KIF4A: variants seen among roughly 807,000 people sequenced by gnomAD.
KIF4A encodes chromosome-associated kinesin KIF4A.
In KIF4A, 7 loss-of-function variants were observed where a neutral mutation model predicts 105.9. That is an observed-to-expected ratio of 0.07 (90% CI 0.04 to 0.12). The LOEUF (loss-of-function observed/expected upper bound fraction) is 0.12. Among genes scored for constraint, KIF4A ranks in the 10% least tolerant of loss-of-function variants. KIF4A has a pLI of 1.00. For missense variants in KIF4A, 558 were observed against 929.2 expected (o/e 0.60, Z 5.19); for synonymous variants, 281 against 331.3 (o/e 0.85, Z 1.65).
chrX:70,362,093 C>T (rs755384556), intron 15 of KIF4A: 3 of 160,909 alleles, frequency 1.9e-5, no homozygotes, highest in Non-Finnish European at 3.6e-5. Context: ...GCTCTTGGAA[C>T]GTCTTTGAAC....
chrX:70,359,119 A>T (rs1289281264), intron 15 of KIF4A, among the ~76,000 whole-genome samples: 1 of 112,089 alleles, frequency 8.9e-6, no homozygotes, highest in Non-Finnish European at 1.9e-5. Flanking sequence ...GTTACTGCTT[A>T]TCCAGCTGTT....
chrX:70,388,429 G>T (rs1284747181), intron 20 of KIF4A, among the ~76,000 whole-genome samples: 1 of 111,255 alleles, frequency 9.0e-6, no homozygotes, highest in Admixed American at 9.6e-5. Flanking sequence ...TGGCTTTCTT[G>T]TATGGTTGGT....
At chrX:70,296,109 A>G (rs1291420552) in intron 3 of KIF4A, among the ~76,000 whole-genome samples, 3 of 75,667 alleles carry the variant, frequency 4.0e-5, no homozygotes, top group Admixed American at 3.6e-4. Context: ...TTTTTGAGAC[A>G]GGGTCTGCTC....
chrX:70,373,952 A>C (rs1176804563), intron 15 of KIF4A, among the ~76,000 whole-genome samples, 199 bp from the exon 16 acceptor site: 2 of 105,543 alleles, frequency 1.9e-5, no homozygotes, highest in Non-Finnish European at 3.9e-5. Flanking sequence ...GGCAGTCAAG[A>C]TTAAAACCCA....
chrX:70,293,044 G>A (rs1277264586), intron 3 of KIF4A, among the ~76,000 whole-genome samples: 1 of 111,803 alleles, frequency 8.9e-6, no homozygotes, highest in Non-Finnish European at 1.9e-5. Context: ...CCAAGTTATT[G>A]CTATCTGCAC....
intron 27 of KIF4A, among the ~76,000 whole-genome samples, chrX:70,406,601 G>A (rs1219986288): frequency 2.7e-5 from 3 of 111,940 alleles, no homozygotes; most frequent in Non-Finnish European, 5.6e-5. Flanking sequence ...CAGGAGAAAA[G>A]AGCAATAATG....
intron 15 of KIF4A, among the ~76,000 whole-genome samples, chrX:70,367,612 A>G (rs1283056426): frequency 2.7e-5 from 3 of 112,332 alleles, no homozygotes; most frequent in African/African-American, 6.5e-5. Flanking sequence ...ATTTCTGCCA[A>G]GAGATCAGCT....
chrX:70,419,687 C>T lies in KIF4A; in HGVS notation c.3399C>T (p.Thr1133=), dbSNP rs1251691097. Residue 1133 remains threonine, a synonymous_variant, in exon 30 of 31, where the codon ACC becomes ACT. Coordinates refer to ENST00000374403, the MANE Select transcript of KIF4A (RefSeq NM_012310.5). ...ATAGCTTGGGCACTGTTGAACGGAC[C>T]CAGGATTCCGAAGGCTCCTTCAAAC... The part of the protein sequence containing the change: ...GKDSLGTVER[T]QDSEGSFKLE... 1.7e-6 allele frequency: 2 copies of T among 1,209,746 alleles called. No homozygotes were observed. The highest frequency in any genetic ancestry group is 4.4e-5 in the Admixed American group (2 of 45,850).
At chrX:70,419,965 T>C (rs1340394973) in intron 30 of KIF4A, 97 bp from the exon 31 acceptor site, 6 of 991,814 alleles carry the variant, frequency 6.0e-6, no homozygotes, top group Non-Finnish European at 8.3e-6. Context: ...GAACACTTCA[T>C]ACTACTGGGA....
intron 3 of KIF4A, among the ~76,000 whole-genome samples, chrX:70,296,692 G>A (rs1242258653): frequency 8.0e-5 from 9 of 112,558 alleles, no homozygotes; most frequent in African/African-American, 2.9e-4. Flanking sequence ...TTTTGACAGT[G>A]GCTTGGCCAC....
chrX:70,367,133 C>T (rs1320217431), intron 15 of KIF4A, among the ~76,000 whole-genome samples: 3 of 111,288 alleles, frequency 2.7e-5, no homozygotes, highest in African/African-American at 9.8e-5. Context: ...TTATTTTGAG[C>T]CTATGTGTGT....
chrX:70,371,239 T>A (rs772317733), intron 15 of KIF4A, among the ~76,000 whole-genome samples: 1 of 109,041 alleles, frequency 9.2e-6, no homozygotes, highest in African/African-American at 3.3e-5. Context: ...CGTTTTCTTT[T>A]TTTTTTTTTC....
chrX:70,352,485 C>T (rs2086034929), intron 13 of KIF4A, 115 bp from the exon 14 acceptor site: 2 of 418,931 alleles, frequency 4.8e-6, no homozygotes, highest in Admixed American at 8.5e-5. Context: ...AAAATGGGTC[C>T]AATATCTTAA....
intron 15 of KIF4A, among the ~76,000 whole-genome samples, chrX:70,367,676 C>A (rs2086110585): frequency 9.0e-6 from 1 of 111,572 alleles, no homozygotes; most frequent in African/African-American, 3.3e-5. Flanking sequence ...CTCTGGCTGC[C>A]CTTAACATTT....
intron 20 of KIF4A, among the ~76,000 whole-genome samples, chrX:70,391,398 G>T (rs1006449709): frequency 9.0e-6 from 1 of 111,200 alleles, no homozygotes; most frequent in Non-Finnish European, 1.9e-5. Flanking sequence ...CTATTGCATT[G>T]GTGAGAACCT....
chrX:70,406,727 A>G (rs1056098608), intron 27 of KIF4A, among the ~76,000 whole-genome samples, 166 bp from the exon 28 acceptor site: 1 of 112,177 alleles, frequency 8.9e-6, no homozygotes, highest in Non-Finnish European at 1.9e-5. Flanking sequence ...GCCATAGGCT[A>G]AAGCAGAATT....
intron 15 of KIF4A, among the ~76,000 whole-genome samples, chrX:70,359,284 C>T (rs1224639332): frequency 9.0e-6 from 1 of 111,160 alleles, no homozygotes; most frequent in Non-Finnish European, 1.9e-5. Context: ...ATAGGACATA[C>T]AATGCAGCCT....
rs2081161584 is a variant in KIF4A at position 70,420,777 on chromosome X, A to C, written c.*512A>C. The C allele has an allele frequency of 8.4e-6, 1 of 119,594 alleles. No individual in the cohort carries two copies. Among genetic ancestry groups the C allele is most frequent in the Non-Finnish European group, 1.9e-5 (1 of 53,535 alleles). The allele number at this position is 119,594 out of a possible 1,213,427, so 9.9% of individuals were successfully genotyped here. On this transcript the variant is annotated 3_prime_UTR_variant, in exon 31 of 31. Coordinates refer to ENST00000374403, the MANE Select transcript of KIF4A (RefSeq NM_012310.5). Reference sequence around the variant, plus strand: ...GATTGTCTGCCATGTTGTTGAAGCAAATGAATTATTTTTAAATGTTAAGTA... The same window carrying C: ...GATTGTCTGCCATGTTGTTGAAGCACATGAATTATTTTTAAATGTTAAGTA...
At chrX:70,310,016 C>T (rs772536990) in intron 7 of KIF4A, among the ~76,000 whole-genome samples, 11 of 112,344 alleles carry the variant, frequency 9.8e-5, no homozygotes, top group Admixed American at 1.9e-4. Flanking sequence ...GCACTCCAGG[C>T]TGGGTGACAG....
Sources: gnomAD v4.1 joint callset for allele counts (sites outside exome capture counted in the v4.1 genomes callset) on GRCh38, gnomAD v4.1.1 for gene constraint, MANE v1.5 for transcripts, NCBI Gene and HGNC (gene_info 2026-07-23, HGNC 2026-07-21) for gene names.